Variants in ZNF678 observed in about 807,000 individuals in gnomAD.
ZNF678 encodes zinc finger protein 678.
A neutral mutation model predicts 3.0 loss-of-function variants in ZNF678; 5 were observed. The observed-to-expected ratio is 1.69, with a 90% CI of 0.88 to 3.56. The LOEUF (loss-of-function observed/expected upper bound fraction) is 3.56, where lower values mean the gene tolerates loss of function less well. Among genes scored for constraint, ZNF678 ranks in the 30% most tolerant of loss-of-function variants. The pLI is 0.00. For missense variants in ZNF678, 593 were observed against 605.0 expected, an observed-to-expected ratio of 0.98 and a Z score of 0.21; for synonymous variants, 218 against 199.6, an observed-to-expected ratio of 1.09 and a Z score of -0.78.
downstream of ZNF678, among the ~76,000 whole-genome samples, chr1:227,664,005 C>T (rs75831789): frequency 3.7e-3 from 561 of 152,294 alleles, 3 homozygotes; most frequent in African/African-American, 0.013. Context: ...TGATCTCCTG[C>T]ATGGAGCTCT....
intron 1 of ZNF678, among the ~76,000 whole-genome samples, chr1:227,609,587 A>C (rs1280937274): frequency 6.6e-6 from 1 of 152,208 alleles, no homozygotes; most frequent in Non-Finnish European, 1.5e-5. Flanking sequence ...TTTTACCATA[A>C]AATTTGTGAC....
chr1:227,583,170 C>T (rs996383249), intron 1 of ZNF678, among the ~76,000 whole-genome samples: 1 of 151,872 alleles, frequency 6.6e-6, no homozygotes, highest in Non-Finnish European at 1.5e-5. Flanking sequence ...TATTGGTAAC[C>T]TTTACATCTA....
At chr1:227,614,827 T>C (rs1658104703) in intron 1 of ZNF678, among the ~76,000 whole-genome samples, 1 of 152,222 alleles carries the variant, frequency 6.6e-6, no homozygotes, top group South Asian at 2.1e-4. Flanking sequence ...ATCTCTGTCC[T>C]GCACCCAGAA....
chr1:227,595,559 C>T (rs1657560707), intron 1 of ZNF678, among the ~76,000 whole-genome samples: 1 of 152,066 alleles, frequency 6.6e-6, no homozygotes, highest in African/African-American at 2.4e-5. Flanking sequence ...AATTTTTTAA[C>T]ATAGTTCCTA....
chr1:227,644,339 C>T (rs188827590), intron 1 of ZNF678, among the ~76,000 whole-genome samples: 12 of 152,254 alleles, frequency 7.9e-5, no homozygotes, highest in African/African-American at 2.9e-4. Flanking sequence ...AGTGTACTTC[C>T]GAGCACATAG....
intron 1 of ZNF678, chr1:227,598,992 C>G: frequency 8.1e-7 from 1 of 1,238,062 alleles, no homozygotes. Context: ...AACCTTGGAG[C>G]CTTTCTTTTC....
chr1:227,582,018 G>A (rs959627536), intron 1 of ZNF678, among the ~76,000 whole-genome samples: 7 of 152,200 alleles, frequency 4.6e-5, no homozygotes, highest in Admixed American at 2.6e-4. Context: ...TAAAGTTGAT[G>A]TCATTTTATA....
chr1:227,676,116 A>G (rs2102823214), intron 5 of ZNF678, among the ~76,000 whole-genome samples: 1 of 152,330 alleles, frequency 6.6e-6, no homozygotes, highest in South Asian at 2.1e-4. Context: ...TGGCTAGGAA[A>G]AGCATTCCCC....
chr1:227,645,452 TTTC>T (rs1322227032), intron 1 of ZNF678, among the ~76,000 whole-genome samples: 2 of 152,250 alleles, frequency 1.3e-5, no homozygotes, highest in African/African-American at 4.8e-5. Flanking sequence ...TTTTAAAATT[TTTC>T]TTCTTATGAT....
downstream of ZNF678, among the ~76,000 whole-genome samples, chr1:227,678,842 C>T (rs1659723661): frequency 6.6e-6 from 1 of 152,118 alleles, no homozygotes; most frequent in African/African-American, 2.4e-5. Context: ...TAGGACTCTT[C>T]TGATGGTCAA....
At chr1:227,589,573 A>G (rs531284783) in intron 1 of ZNF678, among the ~76,000 whole-genome samples, 4 of 151,778 alleles carry the variant, frequency 2.6e-5, no homozygotes, top group African/African-American at 9.7e-5. Context: ...CCGAGTGAGC[A>G]ATTCCTGTCC....
Position 227,659,501 on chromosome 1 carries a change from CCAGGTGTCCCAA to C in ZNF678, c.*3674_*3685del, listed in dbSNP as rs1047248020. 7.3e-4 allele frequency: 111 copies of C among 152,248 alleles called. No homozygotes were observed. Among genetic ancestry groups the C allele is most frequent in the African/African-American group, 2.6e-3 (108 of 41,542 alleles). 9.4% of individuals were successfully genotyped at this position (152,248 alleles called of 1,614,324 possible). On this transcript the variant is annotated 3_prime_UTR_variant, in exon 4 of 4. Coordinates refer to ENST00000343776, the MANE Select transcript of ZNF678 (RefSeq NM_001367909.1). ...ATGATCAGCATCAGCACCAGAAACT[CCAGGTGTCCCAA>C]ACTTAAAGTGAAAGCCATAGAGTCC...
At chr1:227,653,495 T>G (rs1659138659) in intron 3 of ZNF678, among the ~76,000 whole-genome samples, 1 of 152,138 alleles carries the variant, frequency 6.6e-6, no homozygotes, top group Admixed American at 6.6e-5. Context: ...TTTATTTATT[T>G]TGTTTCCTTG....
Position 227,655,949 on chromosome 1 carries a change from A to G in ZNF678, c.*121A>G, listed in dbSNP as rs2102808438. 1 of 682,048 alleles carries G rather than the reference A, an allele frequency of 1.5e-6. No individual in the cohort carries two copies. Among genetic ancestry groups the G allele is most frequent in the South Asian group, 3.9e-5 (1 of 25,378 alleles). 42.2% of individuals were successfully genotyped at this position (682,048 alleles called of 1,614,324 possible). ...TTCAGAGTGCACAACACTATACTGA[A>G]TGAAATTTATAAATATAAAAGATTA... On this transcript the variant is annotated 3_prime_UTR_variant, in exon 4 of 4. Coordinates refer to ENST00000343776, the MANE Select transcript of ZNF678 (RefSeq NM_001367909.1).
intron 1 of ZNF678, among the ~76,000 whole-genome samples, chr1:227,588,030 T>G (rs1346263343): frequency 6.6e-6 from 1 of 152,008 alleles, no homozygotes; most frequent in Non-Finnish European, 1.5e-5. Flanking sequence ...TCCCCCAACA[T>G]GTTCATGTTT....
intron 1 of ZNF678, among the ~76,000 whole-genome samples, chr1:227,603,270 A>G (rs530392742): frequency 2.6e-5 from 4 of 152,322 alleles, no homozygotes; most frequent in African/African-American, 7.2e-5. Flanking sequence ...CAGAGGAATC[A>G]GGTACAATCC....
chr1:227,669,097 A>G (rs76431108), intron 5 of ZNF678, among the ~76,000 whole-genome samples: 2 of 144,396 alleles, frequency 1.4e-5, no homozygotes, highest in Non-Finnish European at 3.0e-5. Flanking sequence ...TGCAAAGTGG[A>G]AAAAAAAAAA....
At chr1:227,645,743 A>G (rs144137701) in intron 1 of ZNF678, among the ~76,000 whole-genome samples, 71 of 152,354 alleles carry the variant, frequency 4.7e-4, no homozygotes, top group African/African-American at 1.6e-3. Flanking sequence ...GACCTATGCT[A>G]TCATAGCAAT....
chr1:227,638,045 C>T lies in ZNF678; in HGVS notation c.-163-8499C>T, dbSNP rs560598491. On this transcript the variant is annotated intron_variant, in intron 1 of 3. Coordinates refer to ENST00000343776, the MANE Select transcript of ZNF678 (RefSeq NM_001367909.1). The surrounding 1 kb of genome is among the most constrained non-coding windows in gnomAD (Gnocchi z 4.2). ...TGTTAACATATTGAAGGAGAGTGGA[C>T]GGTTTTAGGGATAAGGTAGAGAGGT... is the stretch of plus-strand genomic sequence containing the variant. Among the ~76,000 whole-genome samples the T allele has an allele frequency of 5.9e-4, 89 of 151,932 alleles. No individual in the cohort carries two copies. Among genetic ancestry groups the T allele is most frequent in the African/African-American group, 1.8e-3 (75 of 41,394 alleles).
Sources: gnomAD v4.1 joint callset for allele counts (sites outside exome capture counted in the v4.1 genomes callset) on GRCh38, gnomAD v4.1.1 for gene constraint, Gnocchi (gnomAD v3.1) non-coding constraint, MANE v1.5 for transcripts, NCBI Gene and HGNC (gene_info 2026-07-23, HGNC 2026-07-21) for gene names.